Variants in SP110 observed in about 807,000 individuals in gnomAD.
SP110 encodes SP110 nuclear body protein.
A neutral mutation model predicts 92.7 loss-of-function variants in SP110; 62 were observed. That is an observed-to-expected ratio of 0.67 (90% CI 0.55 to 0.83). The LOEUF is 0.83. SP110 is among the 40% of genes least tolerant of loss of function. The pLI, the probability that SP110 is intolerant of heterozygous loss-of-function variation, is 0.00. For synonymous variants in SP110, 273 were observed against 305.3 expected, an observed-to-expected ratio of 0.89 and a Z score of 1.10; for missense variants, 793 against 863.9, an observed-to-expected ratio of 0.92 and a Z score of 1.03.
At chr2:230,206,598 TATA>T (rs1559169587) in intron 8 of SP110, among the ~76,000 whole-genome samples, 20 of 31,288 alleles carry the variant, frequency 6.4e-4, no homozygotes, top group African/African-American at 1.1e-3. Context: ...CCAGATTTTA[TATA>T]TATATATATA....
In SP110 at chr2:230,172,139, C is replaced by T; in HGVS notation, c.1742G>A (p.Arg581Lys). The T allele has an allele frequency of 6.2e-7, 1 of 1,613,372 alleles. No individual in the cohort carries two copies. The highest frequency in any genetic ancestry group is 1.1e-5 in the South Asian group (1 of 91,082). Residue 581 changes from arginine (R) to lysine (K), a missense_variant, in exon 16 of 19, where the codon AGG (arginine) becomes AAG (lysine). By Grantham distance (26) the Arg-to-Lys change is conservative. Coordinates refer to ENST00000258381, the MANE Select transcript of SP110 (RefSeq NM_080424.4). ...LWSCTFCRMK[R>K]SSGSQQCHHV... is the part of the protein sequence containing the mutation. ...ATGGCACTGTTGGCTTCCTGAAGAC[C>T]TCTTCATCCTGCAGAAGGTGCAACT... is the stretch of plus-strand genomic sequence containing the variant.
intron 10 of SP110, 126 bp downstream of exon 10, chr2:230,200,759 C>T: frequency 2.6e-6 from 2 of 768,112 alleles, no homozygotes; most frequent in Non-Finnish European, 2.3e-6. Context: ...AAAAAAAATC[C>T]AGAAGGGCTC....
chr2:230,173,068 A>C (rs2078491886), intron 14 of SP110, 109 bp from the exon 15 acceptor site: 1 of 763,018 alleles, frequency 1.3e-6, no homozygotes, highest in Admixed American at 2.0e-5. Flanking sequence ...GTGGATATCC[A>C]AACCCAATTT....
intron 12 of SP110, among the ~76,000 whole-genome samples, chr2:230,181,742 C>G (rs2042136629): frequency 1.3e-5 from 2 of 152,126 alleles, no homozygotes; most frequent in Admixed American, 1.3e-4. Context: ...CAAATCAAAA[C>G]CACAATGAGA....
chr2:230,189,243 T>C (rs1433934270), intron 10 of SP110, among the ~76,000 whole-genome samples: 1 of 152,150 alleles, frequency 6.6e-6, no homozygotes, highest in Non-Finnish European at 1.5e-5. Context: ...AGCTTTGGGT[T>C]TCTCTAGTTC....
rs780603502 is a variant in SP110 at position 230,178,126 on chromosome 2, A to AT, written c.1447+30dup. 5 of 1,356,176 alleles carry AT rather than the reference A, an allele frequency of 3.7e-6. No individual in the cohort carries two copies. The East Asian group carries it at 9.2e-5, about 25-fold the overall frequency. 84.0% of individuals were successfully genotyped at this position (1,356,176 alleles called of 1,614,324 possible). A position where few individuals can be genotyped will look rare whatever the true frequency, so the allele number is the denominator to read the frequency against. ...CTTCTAGTGAGTCCTTCATCTAGGG[A>AT]TTCCAAAGAGCAGAAGACCAAGGAA... On this transcript the variant is annotated intron_variant, in intron 13 of 18. Coordinates refer to ENST00000258381, the MANE Select transcript of SP110 (RefSeq NM_080424.4).
At chr2:230,188,993 A>C (rs2042485544) in intron 10 of SP110, among the ~76,000 whole-genome samples, 1 of 152,122 alleles carries the variant, frequency 6.6e-6, no homozygotes, top group Admixed American at 6.6e-5. Context: ...TTTTGTGCAT[A>C]GAGGTGTTCA....
chr2:230,190,613 T>A (rs996501325), intron 10 of SP110, among the ~76,000 whole-genome samples: 15 of 152,178 alleles, frequency 9.9e-5, no homozygotes, highest in African/African-American at 2.4e-5. Flanking sequence ...TTGGCTTTTT[T>A]ATCATGAAGA....
At chr2:230,209,431 T>A (rs1435245213) in intron 7 of SP110, among the ~76,000 whole-genome samples, 1 of 152,076 alleles carries the variant, frequency 6.6e-6, no homozygotes, top group Non-Finnish European at 1.5e-5. Context: ...TGGATGATAT[T>A]GATGATGAGT....
At chr2:230,213,078 T>G in intron 3 of SP110, 51 bp from the exon 4 acceptor site, 1 of 1,591,388 alleles carries the variant, frequency 6.3e-7, no homozygotes, top group Non-Finnish European at 8.6e-7. Flanking sequence ...TCAGAATTAC[T>G]TGGGGAAGGG....
At chr2:230,207,386 C>A (rs1364889658) in intron 8 of SP110, among the ~76,000 whole-genome samples, 2 of 152,114 alleles carry the variant, frequency 1.3e-5, no homozygotes, top group African/African-American at 2.4e-5. Flanking sequence ...TGACCAGATA[C>A]CTTGTGTTCC....
chr2:230,202,497 A>G, intron 9 of SP110, 82 bp downstream of exon 9: 2 of 1,334,818 alleles, frequency 1.5e-6, no homozygotes, highest in Admixed American at 3.5e-5. Flanking sequence ...GACTTTACAT[A>G]TCTACTTAAC....
At chr2:230,200,303 A>G (rs940714451) in intron 10 of SP110, among the ~76,000 whole-genome samples, 6 of 152,220 alleles carry the variant, frequency 3.9e-5, no homozygotes, top group Non-Finnish European at 5.9e-5. Context: ...AGTGTTATCA[A>G]CTTACTCCAG....
At chr2:230,210,230 C>T (rs541965923) in intron 6 of SP110, among the ~76,000 whole-genome samples, 2 of 152,324 alleles carry the variant, frequency 1.3e-5, no homozygotes, top group African/African-American at 4.8e-5. Flanking sequence ...TGCCCCACAG[C>T]AGAGGCTCAG....
At chr2:230,220,157 C>T (rs961484089), upstream of SP110, 81 of 845,456 alleles carry the variant, frequency 9.6e-5, no homozygotes, top group East Asian at 1.2e-4. Context: ...TGGGGGAGGG[C>T]GTGTTGCCAG....
At chr2:230,196,648 C>T (rs1052186608) in intron 10 of SP110, among the ~76,000 whole-genome samples, 1 of 151,756 alleles carries the variant, frequency 6.6e-6, no homozygotes, top group Non-Finnish European at 1.5e-5. Flanking sequence ...CCCATTAACT[C>T]GTCATTTAGC....
At chr2:230,208,524 G>A (rs1338214618) in intron 7 of SP110, among the ~76,000 whole-genome samples, 1 of 152,136 alleles carries the variant, frequency 6.6e-6, no homozygotes, top group Non-Finnish European at 1.5e-5. Context: ...ATGTAGTTAG[G>A]GTTTGTAGGA....
intron 12 of SP110, among the ~76,000 whole-genome samples, chr2:230,178,801 T>A (rs2041983864): frequency 6.6e-6 from 1 of 152,236 alleles, no homozygotes; most frequent in South Asian, 2.1e-4. Context: ...TTTGAACTAA[T>A]TTCCCAGTTG....
At chr2:230,176,785 T>G in intron 14 of SP110, 1 of 1,542,618 alleles carries the variant, frequency 6.5e-7, no homozygotes, top group Admixed American at 1.7e-5. Context: ...TTGTAGATAC[T>G]GGCCTTCCCA....
Sources: allele counts gnomAD v4.1 joint callset (sites outside exome capture counted in the v4.1 genomes callset), GRCh38; gene constraint gnomAD v4.1.1; transcripts MANE v1.5; gene names NCBI Gene and HGNC (gene_info 2026-07-23, HGNC 2026-07-21).